Variants in TAF3 observed in about 807,000 individuals in gnomAD.
The protein encoded by TAF3 is TATA-box binding protein associated factor 3.
TAF3 carries 7 observed loss-of-function variants against 80.6 expected under a neutral mutation model. The observed-to-expected ratio is 0.09, with a 90% CI of 0.05 to 0.16. The LOEUF (loss-of-function observed/expected upper bound fraction) is 0.16. TAF3 is among the 10% of genes least tolerant of loss of function. The pLI, the probability that TAF3 is intolerant of heterozygous loss-of-function variation, is 1.00. For synonymous variants in TAF3, 444 were observed against 446.1 expected, an observed-to-expected ratio of 1.00 and a Z score of 0.06; for missense variants, 921 against 1,140.2, an observed-to-expected ratio of 0.81 and a Z score of 2.77.
chr10:7,922,444 A>T (rs1837772094), intron 2 of TAF3, among the ~76,000 whole-genome samples: 1 of 152,098 alleles, frequency 6.6e-6, no homozygotes, highest in South Asian at 2.1e-4. Flanking sequence ...ATAGATGATT[A>T]TCAAGTGATA....
intron 2 of TAF3, among the ~76,000 whole-genome samples, chr10:7,943,787 C>CA (rs1235764988): frequency 6.6e-6 from 1 of 152,022 alleles, no homozygotes; most frequent in Non-Finnish European, 1.5e-5. Context: ...GGATGTATTC[C>CA]AAAGCAAAAT....
chr10:7,841,184 A>G (rs1162555196), intron 2 of TAF3, among the ~76,000 whole-genome samples: 1 of 152,222 alleles, frequency 6.6e-6, no homozygotes, highest in African/African-American at 2.4e-5. Flanking sequence ...AATAATAGCA[A>G]GTTATTTGCT....
At position 7,873,620 on chromosome 10, in the gene TAF3, C is replaced by CCCG. The variant is rs970329046; in HGVS notation, c.409+49062_409+49063insGCC. Among the ~76,000 whole-genome samples the CCCG allele has an allele frequency of 8.6e-5, 11 of 127,286 alleles. 2 individuals are homozygous for CCCG. The highest frequency in any genetic ancestry group is 3.0e-4 in the African/African-American group (10 of 33,584). The allele number at this position is 127,286 out of a possible 152,430, so 83.5% of individuals were successfully genotyped here. On this transcript the variant is annotated intron_variant, in intron 2 of 6. Coordinates refer to ENST00000344293, the MANE Select transcript of TAF3 (RefSeq NM_031923.4). Reference sequence around the variant, plus strand: ...CCAAGGGAAGACATCCGAGTTCTCCCCCCCCCCCCGTCAAAAGGGGGTGTC... The same window carrying CCCG: ...CCAAGGGAAGACATCCGAGTTCTCCCCCGCCCCCCCCCGTCAAAAGGGGGTGTC...
At chr10:7,918,964 A>G (rs1200604410) in intron 2 of TAF3, among the ~76,000 whole-genome samples, 2 of 152,156 alleles carry the variant, frequency 1.3e-5, no homozygotes, top group African/African-American at 4.8e-5. Context: ...ATACAGAAGA[A>G]GAAATTGCTA....
Position 7,818,803 on chromosome 10 carries a change from C to T in TAF3, c.94C>T (p.His32Tyr). Residue 32 changes from histidine (H) to tyrosine (Y), a missense_variant, in exon 1 of 7, where the codon CAC becomes TAC. Transcript: ENST00000344293. ...GGACTCGGTGCAGCTCAGCGCCTGC[C>T]ACCTCCTCACGGACGTGCTGCAGCG... is the stretch of plus-strand genomic sequence containing the variant. ...GWDSVQLSAC[H>Y]LLTDVLQRYL... 6.4e-7 allele frequency: 1 copy of T among 1,572,404 alleles called. No homozygotes were observed. Among genetic ancestry groups the T allele is most frequent in the Non-Finnish European group, 8.6e-7 (1 of 1,169,256 alleles).
intron 2 of TAF3, among the ~76,000 whole-genome samples, chr10:7,935,528 G>A (rs562862452): frequency 1.4e-4 from 22 of 152,222 alleles, no homozygotes; most frequent in Admixed American, 1.0e-3. Context: ...AGCTTGCAGT[G>A]AGCCGAGATC....
At chr10:7,845,706 G>A (rs1009680278) in intron 2 of TAF3, among the ~76,000 whole-genome samples, 3 of 152,206 alleles carry the variant, frequency 2.0e-5, no homozygotes, top group African/African-American at 7.2e-5. Context: ...GCCTTACTCC[G>A]TGTGGCTGTA....
intron 2 of TAF3, among the ~76,000 whole-genome samples, chr10:7,851,880 G>A (rs1190527398): frequency 1.3e-5 from 2 of 151,912 alleles, no homozygotes; most frequent in Non-Finnish European, 1.5e-5. Flanking sequence ...AAACTCCCAG[G>A]CTTTAAGCAA....
At chr10:7,999,435 A>AAAAG (rs1269950316) in intron 4 of TAF3, among the ~76,000 whole-genome samples, 139 of 147,722 alleles carry the variant, frequency 9.4e-4, no homozygotes, top group African/African-American at 2.9e-3. Context: ...TTAAAAAAAA[A>AAAAG]AAAGAAAGAA....
chr10:7,868,158 G>A (rs1837233345), intron 2 of TAF3, among the ~76,000 whole-genome samples: 1 of 152,156 alleles, frequency 6.6e-6, no homozygotes, highest in Admixed American at 6.5e-5. Flanking sequence ...AAGCCATGTT[G>A]TTCAAGGGTC....
intron 4 of TAF3, among the ~76,000 whole-genome samples, chr10:7,999,980 A>AT (rs1393535396): frequency 3.9e-5 from 6 of 152,206 alleles, no homozygotes; most frequent in Non-Finnish European, 8.8e-5. Flanking sequence ...CCAAGCTATC[A>AT]TTTTTTCCCC....
intron 2 of TAF3, among the ~76,000 whole-genome samples, chr10:7,834,303 A>G (rs1485050543): frequency 6.6e-6 from 1 of 152,070 alleles, no homozygotes; most frequent in African/African-American, 2.4e-5. Flanking sequence ...TTTTTCCCCT[A>G]TGTTTTCTTT....
At chr10:7,985,079 G>A (rs1308448008) in intron 4 of TAF3, among the ~76,000 whole-genome samples, 1 of 152,116 alleles carries the variant, frequency 6.6e-6, no homozygotes, top group East Asian at 1.9e-4. Context: ...CTTTTCCCAC[G>A]CCTGCCTGCA....
intron 2 of TAF3, among the ~76,000 whole-genome samples, chr10:7,925,022 A>G (rs1447981871): frequency 6.6e-6 from 1 of 152,318 alleles, no homozygotes; most frequent in East Asian, 1.9e-4. Flanking sequence ...TTCAAACTAT[A>G]TAAATAATTT....
intron 2 of TAF3, among the ~76,000 whole-genome samples, chr10:7,906,380 A>G (rs1043308961): frequency 6.6e-6 from 1 of 152,242 alleles, no homozygotes; most frequent in African/African-American, 2.4e-5. Context: ...TATCAGAAAC[A>G]GGTGGTAACT....
At chr10:7,855,711 A>G (rs1837071980) in intron 2 of TAF3, among the ~76,000 whole-genome samples, 1 of 152,184 alleles carries the variant, frequency 6.6e-6, no homozygotes. Flanking sequence ...AAGGAAGAAA[A>G]CATCTGATAT....
At chr10:7,988,678 G>T (rs1831803158) in intron 4 of TAF3, among the ~76,000 whole-genome samples, 1 of 144,724 alleles carries the variant, frequency 6.9e-6, no homozygotes, top group Non-Finnish European at 1.5e-5. Flanking sequence ...TTGAGCCCAG[G>T]AGTTTGAGGC....
chr10:7,849,315 T>C (rs1442679782), intron 2 of TAF3, among the ~76,000 whole-genome samples: 1 of 152,194 alleles, frequency 6.6e-6, no homozygotes, highest in African/African-American at 2.4e-5. Context: ...GAGCTATTTT[T>C]GTCTTTAGAT....
chr10:7,844,069 G>A (rs970621881), intron 2 of TAF3, among the ~76,000 whole-genome samples: 4 of 152,150 alleles, frequency 2.6e-5, no homozygotes, highest in Non-Finnish European at 5.9e-5. Flanking sequence ...AGAAAGGATA[G>A]TAACAATTTG....
Sources: gnomAD v4.1 joint callset for allele counts (sites outside exome capture counted in the v4.1 genomes callset) on GRCh38, gnomAD v4.1.1 for gene constraint, MANE v1.5 for transcripts, NCBI Gene and HGNC (gene_info 2026-07-23, HGNC 2026-07-21) for gene names.